Variants in NFASC observed in about 807,000 individuals in gnomAD.
NFASC encodes the protein neurofascin.
A neutral mutation model predicts 147.5 loss-of-function variants in NFASC; 43 were observed. The observed-to-expected ratio is 0.29, with a 90% CI of 0.23 to 0.38. The LOEUF (loss-of-function observed/expected upper bound fraction) is 0.38. Ranked by LOEUF, NFASC falls within the 10% of genes least tolerant of loss-of-function variation. The pLI, the probability that NFASC is intolerant of heterozygous loss-of-function variation, is 1.00. For missense variants in NFASC, 1,320 were observed against 1,689.0 expected, an observed-to-expected ratio of 0.78 and a Z score of 3.83; for synonymous variants, 622 against 665.5, an observed-to-expected ratio of 0.93 and a Z score of 1.01.
intron 27 of NFASC, 70 bp downstream of exon 27, chr1:205,002,818 C>T: frequency 1.6e-6 from 2 of 1,229,416 alleles, no homozygotes; most frequent in Non-Finnish European, 2.2e-6. Context: ...CAGCTTCCTG[C>T]TTGCCTCTCT....
intron 1 of NFASC, among the ~76,000 whole-genome samples, chr1:204,856,513 G>A (rs1470537809): frequency 6.6e-6 from 1 of 151,980 alleles, no homozygotes; most frequent in African/African-American, 2.4e-5. Flanking sequence ...ATAAGTTATT[G>A]AGGTAAAATT....
At chr1:204,984,008 C>A in intron 21 of NFASC, 1 of 1,575,080 alleles carries the variant, frequency 6.3e-7, no homozygotes, top group Non-Finnish European at 8.7e-7. Flanking sequence ...AACCAGCTCT[C>A]TGTCCCAACA....
intron 17 of NFASC, among the ~76,000 whole-genome samples, chr1:204,978,753 G>A (rs1415562178): frequency 2.7e-5 from 4 of 149,318 alleles, no homozygotes; most frequent in Non-Finnish European, 5.9e-5. Context: ...GATATTCTTT[G>A]TGGGGGGGGG....
chr1:204,861,545 A>G (rs1412811808), intron 1 of NFASC, among the ~76,000 whole-genome samples: 1 of 152,164 alleles, frequency 6.6e-6, no homozygotes, highest in South Asian at 2.1e-4. Flanking sequence ...GCTGGAGTGC[A>G]GTGGCGTGAT....
chr1:204,911,160 A>C (rs767160476), intron 1 of NFASC, among the ~76,000 whole-genome samples: 8 of 152,166 alleles, frequency 5.3e-5, no homozygotes, highest in African/African-American at 1.7e-4. Flanking sequence ...ATGAGTGTCT[A>C]ATTTTGTCAG....
At chr1:204,840,647 G>T (rs1017922055) in intron 1 of NFASC, among the ~76,000 whole-genome samples, 1 of 152,180 alleles carries the variant, frequency 6.6e-6, no homozygotes, top group Non-Finnish European at 1.5e-5. Context: ...CACTGCCCTG[G>T]CCACCACTCC....
intron 28 of NFASC, 22 bp downstream of exon 28, chr1:205,009,710 G>C (rs372387846): frequency 6.9e-5 from 111 of 1,610,322 alleles, no homozygotes; most frequent in Middle Eastern, 1.7e-4. Flanking sequence ...AAGAGGCGTG[G>C]GCTTGCAGGG....
At position 204,970,821 on chromosome 1, in the gene NFASC, G is replaced by T. The variant is rs185454845; in HGVS notation, c.1135+74G>T. 229 of 1,571,518 alleles carry T rather than the reference G, an allele frequency of 1.5e-4. No individual in the cohort carries two copies. In the African/African-American group the frequency reaches 3.0e-3, roughly 20 times the overall value. ...AAGGCTTCAGATCCCCATCACTGTA[G>T]CCAGTGCTGGTCACACTAGAAGTTC... On this transcript the variant is annotated intron_variant, in intron 11 of 29. Transcript: ENST00000339876.
chr1:204,969,529 G>A (rs1274230255), intron 10 of NFASC, among the ~76,000 whole-genome samples: 1 of 152,206 alleles, frequency 6.6e-6, no homozygotes, highest in Non-Finnish European at 1.5e-5. Context: ...GTCACTGTTT[G>A]GCCTGGGGCT....
chr1:204,914,042 T>G (rs1483476007), intron 1 of NFASC, among the ~76,000 whole-genome samples: 1 of 151,580 alleles, frequency 6.6e-6, no homozygotes, highest in Non-Finnish European at 1.5e-5. Context: ...TGAAAAAAAT[T>G]TCATGCATAA....
chr1:204,874,054 G>C (rs2078246886), intron 1 of NFASC, among the ~76,000 whole-genome samples: 1 of 152,202 alleles, frequency 6.6e-6, no homozygotes, highest in African/African-American at 2.4e-5. Context: ...CTGCCTCTTG[G>C]ATTTTGAGAA....
chr1:204,900,589 A>T (rs2084344277), intron 1 of NFASC, among the ~76,000 whole-genome samples: 1 of 152,244 alleles, frequency 6.6e-6, no homozygotes. Context: ...GAAAAGACAG[A>T]TAACAGGGAA....
At chr1:204,946,883 G>A (rs1421958982) in intron 3 of NFASC, 13 of 448,750 alleles carry the variant, frequency 2.9e-5, no homozygotes, top group East Asian at 6.6e-5. Context: ...GCCTCATGGT[G>A]TGTGATGGGA....
intron 1 of NFASC, among the ~76,000 whole-genome samples, chr1:204,846,889 GC>G (rs2075201390): frequency 2.6e-5 from 4 of 151,886 alleles, no homozygotes; most frequent in Non-Finnish European, 4.4e-5. Context: ...CTCAACTTTT[GC>G]CCCAGTCTAC....
intron 1 of NFASC, among the ~76,000 whole-genome samples, chr1:204,914,045 A>G (rs1466791170): frequency 2.0e-5 from 3 of 152,234 alleles, no homozygotes; most frequent in South Asian, 2.1e-4. Context: ...AAAAAATTTC[A>G]TGCATAATAA....
At chr1:204,935,283 A>G (rs2092726853) in intron 2 of NFASC, among the ~76,000 whole-genome samples, 1 of 152,134 alleles carries the variant, frequency 6.6e-6, no homozygotes, top group South Asian at 2.1e-4. Context: ...AACAAAGATC[A>G]CCCACATGAG....
In NFASC at chr1:204,971,658, A is replaced by G. The variant is rs117544594; in HGVS notation, c.1135+911A>G. Reference sequence around the variant, plus strand: ...TACTTTCAAACATTTAAGGTAAGGAAATAAGGTTCTCCTCAGTGCAATGAG... The same window carrying G: ...TACTTTCAAACATTTAAGGTAAGGAGATAAGGTTCTCCTCAGTGCAATGAG... On this transcript the variant is annotated intron_variant, in intron 11 of 29. Transcript: ENST00000339876. Among the ~76,000 whole-genome samples, 842 of 152,304 alleles carry G rather than the reference A, an allele frequency of 5.5e-3. 11 individuals are homozygous for G. Among genetic ancestry groups the G allele is most frequent in the South Asian group, 0.01 (50 of 4,826 alleles).
intron 8 of NFASC, among the ~76,000 whole-genome samples, chr1:204,967,354 G>T (rs1050994941): frequency 6.6e-6 from 1 of 152,036 alleles, no homozygotes; most frequent in Non-Finnish European, 1.5e-5. Flanking sequence ...AAGAGGTGAG[G>T]CTCGGGGAAG....
At chr1:204,845,191 T>A (rs1676617503) in intron 1 of NFASC, among the ~76,000 whole-genome samples, 2 of 152,060 alleles carry the variant, frequency 1.3e-5, no homozygotes, top group African/African-American at 4.8e-5. Flanking sequence ...GAGCTGGAAC[T>A]TAAAGTGGCG....
Sources: gnomAD v4.1 joint callset for allele counts (sites outside exome capture counted in the v4.1 genomes callset) on GRCh38, gnomAD v4.1.1 for gene constraint, MANE v1.5 for transcripts, NCBI Gene and HGNC (gene_info 2026-07-23, HGNC 2026-07-21) for gene names.